The following SPATA6L variants were observed in gnomAD, a reference collection of about 807,000 sequenced individuals.
SPATA6L encodes the protein spermatogenesis associated 6-like protein.
In SPATA6L, 68 loss-of-function variants were observed where a neutral mutation model predicts 49.2. The observed-to-expected ratio is 1.38, with a 90% CI of 1.14 to 1.69. SPATA6L has a LOEUF of 1.69. SPATA6L is among the 40% of genes most tolerant of loss of function. The pLI, the probability that SPATA6L is intolerant of heterozygous loss-of-function variation, is 0.00. For synonymous variants in SPATA6L, 198 were observed against 165.7 expected, an observed-to-expected ratio of 1.19 and a Z score of -1.50; for missense variants, 668 against 464.3, an observed-to-expected ratio of 1.44 and a Z score of -4.03.
At chr9:4,597,773 G>A (rs554513262), downstream of SPATA6L, among the ~76,000 whole-genome samples, 3 of 152,146 alleles carry the variant, frequency 2.0e-5, no homozygotes, top group Admixed American at 6.5e-5. Context: ...AGTAGTGCTA[G>A]GAGGGGTCCC....
downstream of SPATA6L, among the ~76,000 whole-genome samples, chr9:4,596,204 AC>A (rs1259397693): frequency 5.9e-5 from 9 of 152,210 alleles, no homozygotes; most frequent in East Asian, 3.9e-4. Context: ...CCTTAGTGTG[AC>A]CCCTCCCGAC....
rs538568892 is a variant in SPATA6L at position 4,653,661 on chromosome 9, G to A, written c.226+2380C>T. Among the ~76,000 whole-genome samples the A allele has an allele frequency of 2.1e-4, 32 of 152,202 alleles. No individual in the cohort carries two copies. In the South Asian group the frequency reaches 2.3e-3, roughly 11 times the overall value. ...AGAACATTTACAGGCCAGGCACAGC[G>A]GCTCATGTCTGTAACCCCAACACTT... On this transcript the variant is annotated intron_variant, in intron 3 of 11. Coordinates refer to ENST00000682582, the MANE Select transcript of SPATA6L (RefSeq NM_001353486.2).
chr9:4,592,840 T>C (rs768421081), intron 13 of SPATA6L, among the ~76,000 whole-genome samples: 1 of 152,212 alleles, frequency 6.6e-6, no homozygotes, highest in Non-Finnish European at 1.5e-5. Context: ...GATAGGTTTA[T>C]GGCATAGACT....
At chr9:4,653,323 T>C (rs1837344768) in intron 3 of SPATA6L, among the ~76,000 whole-genome samples, 1 of 152,208 alleles carries the variant, frequency 6.6e-6, no homozygotes, top group Non-Finnish European at 1.5e-5. Context: ...AGAATGAAGT[T>C]GGTCCCCAAC....
chr9:4,661,230 C>T (rs1487022957), intron 2 of SPATA6L, among the ~76,000 whole-genome samples: 1 of 152,184 alleles, frequency 6.6e-6, no homozygotes, highest in Non-Finnish European at 1.5e-5. Flanking sequence ...AATCATTAGA[C>T]TTATTAAGGT....
chr9:4,663,145 A>C, intron 1 of SPATA6L: 1 of 1,614,066 alleles, frequency 6.2e-7, no homozygotes, highest in East Asian at 2.2e-5. Flanking sequence ...GGGCGGCACA[A>C]TGTCACCGAC....
chr9:4,606,221 G>A (rs1488401652), intron 9 of SPATA6L, among the ~76,000 whole-genome samples: 1 of 149,056 alleles, frequency 6.7e-6, no homozygotes, highest in Admixed American at 6.7e-5. Context: ...GAGGCTGGGG[G>A]AGGGGCGCCC....
At chr9:4,602,460 G>A (rs1823581984) in intron 11 of SPATA6L, among the ~76,000 whole-genome samples, 1 of 152,158 alleles carries the variant, frequency 6.6e-6, no homozygotes, top group South Asian at 2.1e-4. Flanking sequence ...GGGAGCCCTG[G>A]CCATTCCTAA....
At chr9:4,593,681 T>A (rs896961867), downstream of SPATA6L, among the ~76,000 whole-genome samples, 3 of 152,200 alleles carry the variant, frequency 2.0e-5, no homozygotes, top group African/African-American at 7.2e-5. Context: ...AAAAGGCATT[T>A]TCTCAGTCAT....
At chr9:4,656,984 A>C (rs964979457) in intron 2 of SPATA6L, among the ~76,000 whole-genome samples, 8 of 152,252 alleles carry the variant, frequency 5.3e-5, no homozygotes, top group Non-Finnish European at 1.0e-4. Context: ...GAAGAGTCTC[A>C]AAAGTTTTAA....
Position 4,599,471 on chromosome 9 carries a change from C to G in SPATA6L, c.*1340G>C, listed in dbSNP as rs559163066. Among the ~76,000 whole-genome samples, 29 of 152,306 alleles carry G rather than the reference C, an allele frequency of 1.9e-4. No homozygotes were observed. The highest frequency in any genetic ancestry group is 1.2e-3 in the South Asian group (6 of 4,820). ...GAAAACTTGGCTCTCACTGAATCTT[C>G]TAAAAACTGAACAAGTTTTAGGGTA... On this transcript the variant is annotated 3_prime_UTR_variant, in exon 12 of 12. Coordinates refer to ENST00000682582, the MANE Select transcript of SPATA6L (RefSeq NM_001353486.2).
Position 4,662,826 on chromosome 9 carries a change from C to G in SPATA6L, c.40-790G>C, listed in dbSNP as rs752815942. On this transcript the variant is annotated intron_variant, in intron 1 of 11. Transcript: ENST00000682582. This position sits in a 1 kb window ranked among gnomAD's most constrained non-coding sequence, Gnocchi z 4.9. ...CGGCATCCCCTGGCTGCTGGGCACCCTCTACTGCCTGTGCAGGAGCGACAG... is the reference window on the plus strand; with the variant it reads ...CGGCATCCCCTGGCTGCTGGGCACCGTCTACTGCCTGTGCAGGAGCGACAG... The G allele has an allele frequency of 1.0e-5, 16 of 1,604,994 alleles. No homozygotes were observed. The highest frequency in any genetic ancestry group is 1.3e-5 in the African/African-American group (1 of 74,928).
intron 9 of SPATA6L, chr9:4,617,631 A>C: frequency 3.7e-6 from 1 of 270,152 alleles, no homozygotes; most frequent in Non-Finnish European, 6.8e-6. Context: ...TTCTGTGGTG[A>C]ACATTTTTAT....
chr9:4,649,080 C>T (rs1037297790), intron 3 of SPATA6L, among the ~76,000 whole-genome samples: 2 of 151,966 alleles, frequency 1.3e-5, no homozygotes, highest in Admixed American at 6.5e-5. Context: ...CACACACACA[C>T]ACACACACAC....
At chr9:4,665,997 A>AG (rs1012100657) in intron 1 of SPATA6L, among the ~76,000 whole-genome samples, 18 of 148,066 alleles carry the variant, frequency 1.2e-4, no homozygotes, top group East Asian at 4.7e-4. Flanking sequence ...GCTTTAGAAC[A>AG]GAAAAAAAAA....
intron 3 of SPATA6L, among the ~76,000 whole-genome samples, chr9:4,641,820 T>C (rs958863058): frequency 9.2e-5 from 14 of 152,266 alleles, no homozygotes; most frequent in Admixed American, 3.9e-4. Context: ...TTGCCCAAGC[T>C]GGAGTGCAGT....
intron 3 of SPATA6L, among the ~76,000 whole-genome samples, chr9:4,635,881 T>C (rs1050883489): frequency 6.6e-6 from 1 of 152,168 alleles, no homozygotes; most frequent in Non-Finnish European, 1.5e-5. Context: ...CGAGGACATT[T>C]TGGACATTTG....
intron 2 of SPATA6L, among the ~76,000 whole-genome samples, chr9:4,658,911 C>T (rs1243968645): frequency 1.4e-5 from 2 of 143,508 alleles, no homozygotes; most frequent in African/African-American, 2.6e-5. Context: ...GGTCTTGCCA[C>T]TGCACTCCAG....
At chr9:4,625,666 G>T in intron 5 of SPATA6L, 100 bp from the exon 6 acceptor site, 2 of 806,786 alleles carry the variant, frequency 2.5e-6, no homozygotes, top group Non-Finnish European at 1.8e-6. Context: ...TAAAAATTAA[G>T]GTCAAAGATA....
Sources: gnomAD v4.1 joint callset for allele counts (sites outside exome capture counted in the v4.1 genomes callset) on GRCh38, gnomAD v4.1.1 for gene constraint, Gnocchi (gnomAD v3.1) non-coding constraint, MANE v1.5 for transcripts, NCBI Gene and HGNC (gene_info 2026-07-23, HGNC 2026-07-21) for gene names.